The following FMNL3 variants were observed in gnomAD, a reference collection of about 807,000 sequenced individuals.
The protein encoded by FMNL3 is formin-like protein 3.
Under a neutral mutation model 119.6 loss-of-function variants are expected in FMNL3, and 57 were observed. The observed-to-expected ratio is 0.48, with a 90% CI of 0.39 to 0.59. The LOEUF (loss-of-function observed/expected upper bound fraction) is 0.59, where lower values mean the gene tolerates loss of function less well. Ranked by LOEUF, FMNL3 falls within the 20% of genes least tolerant of loss-of-function variation. The probability of loss-of-function intolerance (pLI) is 0.00; values close to 1 mark genes in which losing one functional copy is unlikely to be tolerated. For synonymous variants in FMNL3, 491 were observed against 507.3 expected, an observed-to-expected ratio of 0.97 and a Z score of 0.43; for missense variants, 1,053 against 1,323.5, an observed-to-expected ratio of 0.80 and a Z score of 3.17.
chr12:49,653,354 T>C, intron 12 of FMNL3, 27 bp from the exon 13 acceptor site: 1 of 1,610,888 alleles, frequency 6.2e-7, no homozygotes. Context: ...GCAGGTTCTG[T>C]GCTGGCCCTA....
chr12:49,649,073 G>C lies in FMNL3; in HGVS notation c.2471C>G (p.Ala824Gly). The C allele has an allele frequency of 6.2e-7, 1 of 1,612,750 alleles. No individual in the cohort carries two copies. Among genetic ancestry groups the C allele is most frequent in the African/African-American group, 1.3e-5 (1 of 75,044 alleles). ...LTVKEKYPDL[A>G]NFWHELHFVE... ...AAAGTGCAGCTCATGCCAGAAGTTA[G>C]CCAGGTCTGGGTATTTCTCCTTCAC... The change falls in exon 21 of 26, where the codon GCT becomes GGT. Residue 824 changes from alanine (A) to glycine (G), a missense_variant. Coordinates refer to ENST00000335154, the MANE Select transcript of FMNL3 (RefSeq NM_175736.5). The surrounding 1 kb of genome is among the most constrained non-coding windows in gnomAD (Gnocchi z 5.6).
intron 17 of FMNL3, 136 bp downstream of exon 17, chr12:49,650,540 C>G: frequency 1.0e-6 from 1 of 988,226 alleles, no homozygotes; most frequent in African/African-American, 1.6e-5. Context: ...TAAATTCTAG[C>G]CAAGCCAGTG....
intron 1 of FMNL3, among the ~76,000 whole-genome samples, chr12:49,676,355 T>G (rs574472466): frequency 2.0e-4 from 30 of 152,340 alleles, no homozygotes; most frequent in African/African-American, 6.5e-4. Flanking sequence ...TTCTCCTTTC[T>G]GCTTCTAGCT....
chr12:49,705,821 T>C (rs2139083571), intron 1 of FMNL3, among the ~76,000 whole-genome samples: 1 of 152,338 alleles, frequency 6.6e-6, no homozygotes, highest in East Asian at 1.9e-4. Context: ...TGGACCCTCT[T>C]TGAGCCAGCT....
chr12:49,698,514 TC>T (rs1944814081), intron 1 of FMNL3, among the ~76,000 whole-genome samples: 3 of 126,998 alleles, frequency 2.4e-5, no homozygotes, highest in Admixed American at 7.5e-5. Context: ...GAGATACTGC[TC>T]CCCACCCCCA....
chr12:49,670,601 A>G (rs1051377524), intron 1 of FMNL3, among the ~76,000 whole-genome samples: 2 of 152,164 alleles, frequency 1.3e-5, no homozygotes, highest in African/African-American at 2.4e-5. Context: ...CAGGTGAGAG[A>G]AACAAAGAAG....
chr12:49,652,499 T>C (rs967973833), intron 13 of FMNL3, among the ~76,000 whole-genome samples: 3 of 152,202 alleles, frequency 2.0e-5, no homozygotes, highest in Admixed American at 6.5e-5. Flanking sequence ...AGGTTGCCCC[T>C]GTGAAACTCT....
At chr12:49,654,446 A>G in intron 10 of FMNL3, 144 bp from the exon 11 acceptor site, 1 of 607,886 alleles carries the variant, frequency 1.6e-6, no homozygotes, top group Non-Finnish European at 2.9e-6. Flanking sequence ...TTATGGGGGC[A>G]ATAAGAGTAT....
At position 49,707,130 on chromosome 12, in the gene FMNL3, G is replaced by A. The variant is rs768222570; in HGVS notation, c.51C>T (p.Val17=). ...AEGVPGEPPS[V]PLLLPPGKMP... ...TCTTGCCGGGCGGCAGCAACAACGGGACAGAGGGGGGCTCTCCCGGGACCC... is the reference window on the plus strand; with the variant it reads ...TCTTGCCGGGCGGCAGCAACAACGGAACAGAGGGGGGCTCTCCCGGGACCC... The change falls in exon 1 of 26, where the codon GTC becomes GTT. Residue 17 remains valine (V), a synonymous_variant. Transcript: ENST00000335154. 3 of 1,603,062 alleles carry A rather than the reference G, an allele frequency of 1.9e-6. No homozygotes were observed. The highest frequency in any genetic ancestry group is 2.6e-6 in the Non-Finnish European group (3 of 1,175,864).
rs1159107775 is a variant in FMNL3, at chr12:49,647,056, G to A, written c.2872-47C>T. 1.2e-6 allele frequency: 2 copies of A among 1,612,178 alleles called. No individual in the cohort carries two copies. The highest frequency in any genetic ancestry group is 1.7e-6 in the Non-Finnish European group (2 of 1,178,848). Reference sequence around the variant, plus strand: ...GGAAGGAAGTCATCACTAACCTAATGTGGGACTGGTTCCTGCCCCAAGGTG... The same window carrying A: ...GGAAGGAAGTCATCACTAACCTAATATGGGACTGGTTCCTGCCCCAAGGTG... On this transcript the variant is annotated intron_variant, in intron 24 of 25. Transcript: ENST00000335154. The surrounding 1 kb of genome is among the most constrained non-coding windows in gnomAD (Gnocchi z 4.9).
Position 49,647,185 on chromosome 12 carries a change from T to TC in FMNL3, c.2871+90dup, listed in dbSNP as rs143718193. 0.046 allele frequency: 72,107 copies of TC among 1,572,778 alleles called. 1,849 individuals carry two copies. Among genetic ancestry groups the TC allele is most frequent in the Non-Finnish European group, 0.051 (58,873 of 1,146,548 alleles). ...CTGGCCCTCTGGGTGGTCTGTCCAC[T>TC]CCAAGTTTTCATCTCCTCTAGCCTT... On this transcript the variant is annotated intron_variant, in intron 24 of 25. Coordinates refer to ENST00000335154, the MANE Select transcript of FMNL3 (RefSeq NM_175736.5). This position sits in a 1 kb window ranked among gnomAD's most constrained non-coding sequence, Gnocchi z 4.9.
chr12:49,694,008 G>A (rs1396184832), intron 1 of FMNL3, among the ~76,000 whole-genome samples: 1 of 151,662 alleles, frequency 6.6e-6, no homozygotes, highest in Non-Finnish European at 1.5e-5. Flanking sequence ...GCACAATCAC[G>A]GCTCACTGCA....
At chr12:49,701,215 C>T (rs910171755) in intron 1 of FMNL3, among the ~76,000 whole-genome samples, 8 of 151,720 alleles carry the variant, frequency 5.3e-5, no homozygotes, top group African/African-American at 1.9e-4. Context: ...AATATATATA[C>T]ACGTACATCA....
intron 1 of FMNL3, 106 bp downstream of exon 1, chr12:49,706,949 C>G (rs1945065034): frequency 7.4e-7 from 1 of 1,346,566 alleles, no homozygotes; most frequent in Non-Finnish European, 1.0e-6. Context: ...CGTTCGGGAC[C>G]CCGACTGAAA....
At chr12:49,676,890 T>C (rs1217070669) in intron 1 of FMNL3, among the ~76,000 whole-genome samples, 2 of 152,248 alleles carry the variant, frequency 1.3e-5, no homozygotes. Flanking sequence ...GCCACTTCCC[T>C]GCTCTTCTCT....
Position 49,644,762 on chromosome 12 carries a change from T to G in FMNL3, c.*1053A>C, listed in dbSNP as rs1943093490. On this transcript the variant is annotated 3_prime_UTR_variant, in exon 26 of 26. Transcript: ENST00000335154. ...TGTCTCATGGCAGGCCTGCTTCCCT[T>G]TGTGTGGCTAGAGCCCACCTAGCCG... 6.3e-6 allele frequency: 1 copy of G among 159,380 alleles called. No homozygotes were observed. The highest frequency in any genetic ancestry group is 2.4e-5 in the African/African-American group (1 of 41,508). 9.9% of individuals were successfully genotyped at this position (159,380 alleles called of 1,614,324 possible). A position where few individuals can be genotyped will look rare whatever the true frequency, so the allele number is the denominator to read the frequency against.
chr12:49,685,807 C>A (rs765471999), intron 1 of FMNL3, among the ~76,000 whole-genome samples: 4 of 152,226 alleles, frequency 2.6e-5, no homozygotes, highest in African/African-American at 4.8e-5. Context: ...TGGCTCACAA[C>A]TGTAATCCCA....
At position 49,642,958 on chromosome 12, in the gene FMNL3, G is replaced by C. The variant is rs768250601; in HGVS notation, c.*2857C>G. ...GAATGCCAGCACCTCCACACCAAAG[G>C]CCGAAAGCATGGCAGGAAAGGCAAG... is the stretch of plus-strand genomic sequence containing the variant. On this transcript the variant is annotated 3_prime_UTR_variant, in exon 26 of 26. Transcript: ENST00000335154. The surrounding 1 kb of genome is among the most constrained non-coding windows in gnomAD (Gnocchi z 5.8). 6.2e-7 allele frequency: 1 copy of C among 1,613,662 alleles called. No individual in the cohort carries two copies. The highest frequency in any genetic ancestry group is 8.5e-7 in the Non-Finnish European group (1 of 1,179,836).
intron 1 of FMNL3, among the ~76,000 whole-genome samples, chr12:49,686,404 AC>A (rs1386361101): frequency 6.6e-6 from 1 of 151,476 alleles, no homozygotes; most frequent in Non-Finnish European, 1.5e-5. Context: ...ACACAGTGAA[AC>A]CCTGTCTCTA....
Sources: allele counts gnomAD v4.1 joint callset (sites outside exome capture counted in the v4.1 genomes callset), GRCh38; gene constraint gnomAD v4.1.1; non-coding constraint Gnocchi (gnomAD v3.1); transcripts MANE v1.5; gene names NCBI Gene and HGNC (gene_info 2026-07-23, HGNC 2026-07-21).